The following GARIN2 variants were observed in gnomAD, a reference collection of about 807,000 sequenced individuals.
GARIN2 encodes the protein Golgi-associated RAB2 interactor protein 2.
the GARIN2 span, chr14:67,201,441 T>A: frequency 2.2e-6 from 1 of 455,922 alleles, no homozygotes; most frequent in Non-Finnish European, 4.4e-6. Context: ...CCAGCTCCCC[T>A]CAGGGCCTCA....
the GARIN2 span, among the ~76,000 whole-genome samples, chr14:67,191,053 G>A: frequency 1.3e-5 from 2 of 152,134 alleles, no homozygotes; most frequent in Non-Finnish European, 2.9e-5. Context: ...GGCCAACATG[G>A]CAAAACTTTG....
the GARIN2 span, chr14:67,208,503 A>G: frequency 1.3e-6 from 2 of 1,564,862 alleles, no homozygotes; most frequent in African/African-American, 2.7e-5. Flanking sequence ...ATATTAATAA[A>G]GAAATATGTG....
At chr14:67,200,428 C>T in the GARIN2 span, 3 of 512,926 alleles carry the variant, frequency 5.8e-6, no homozygotes, top group Non-Finnish European at 1.0e-5. Flanking sequence ...GCACTAATCC[C>T]TTTCAGCACC....
the GARIN2 span, among the ~76,000 whole-genome samples, chr14:67,205,825 G>A: frequency 6.6e-6 from 1 of 152,126 alleles, no homozygotes; most frequent in Non-Finnish European, 1.5e-5. Flanking sequence ...TAATCTAATG[G>A]CAGGATGGAT....
the GARIN2 span, chr14:67,203,383 G>A: frequency 4.9e-5 from 53 of 1,072,204 alleles, no homozygotes; most frequent in South Asian, 9.2e-5. Flanking sequence ...TGACAATTGC[G>A]CCAGTGGAGC....
the GARIN2 span, among the ~76,000 whole-genome samples, chr14:67,214,152 A>G: frequency 4.6e-5 from 7 of 152,230 alleles, no homozygotes; most frequent in Non-Finnish European, 8.8e-5. Flanking sequence ...TTTGCTGTGC[A>G]GAAGCTCTTT....
the GARIN2 span, among the ~76,000 whole-genome samples, chr14:67,209,142 C>T: frequency 6.6e-6 from 1 of 152,146 alleles, no homozygotes; most frequent in African/African-American, 2.4e-5. Context: ...ACGTGATTCA[C>T]TCAAAAATAT....
At chr14:67,195,829 C>T in the GARIN2 span, among the ~76,000 whole-genome samples, 7 of 151,860 alleles carry the variant, frequency 4.6e-5, no homozygotes, top group African/African-American at 9.7e-5. Context: ...CTGCCATCTC[C>T]GCCTCCCGGG....
At chr14:67,199,898 C>CT in the GARIN2 span, 1 of 1,481,478 alleles carries the variant, frequency 6.8e-7, no homozygotes, top group East Asian at 2.3e-5. Flanking sequence ...TCGGCAGGAA[C>CT]CCCAGGGGCA....
the GARIN2 span, among the ~76,000 whole-genome samples, chr14:67,204,136 C>G: frequency 6.6e-6 from 1 of 152,066 alleles, no homozygotes; most frequent in African/African-American, 2.4e-5. Context: ...CTTCAAACTA[C>G]TATAAAATAT....
chr14:67,200,756 T>C, the GARIN2 span, among the ~76,000 whole-genome samples: 1 of 152,226 alleles, frequency 6.6e-6, no homozygotes, highest in Non-Finnish European at 1.5e-5. Flanking sequence ...TCTTTCCTAC[T>C]AATAATGTTT....
the GARIN2 span, chr14:67,227,488 A>G: frequency 1.3e-5 from 2 of 151,734 alleles, no homozygotes; most frequent in African/African-American, 4.8e-5. Context: ...CCAAATCCTT[A>G]TATTTTGAAT....
chr14:67,193,370 TATATATCTAGATATATCTAG>T, the GARIN2 span, among the ~76,000 whole-genome samples: 10 of 139,552 alleles, frequency 7.2e-5, no homozygotes, highest in South Asian at 4.6e-4. Context: ...ATAATCTATC[TATATATCTAGATATATCTAG>T]ATATATCTAG....
the GARIN2 span, chr14:67,199,032 CAAGAAG>C: frequency 1.4e-6 from 1 of 724,700 alleles, no homozygotes; most frequent in Non-Finnish European, 2.5e-6. Flanking sequence ...CTTCAAAAGG[CAAGAAG>C]AGGATGGCAG....
chr14:67,225,139 C>T, the GARIN2 span: 2 of 1,583,936 alleles, frequency 1.3e-6, no homozygotes, highest in Non-Finnish European at 1.7e-6. Flanking sequence ...CATATCAAAT[C>T]TCCTTCTAAT....
the GARIN2 span, among the ~76,000 whole-genome samples, chr14:67,226,142 C>G: frequency 1.3e-5 from 2 of 152,144 alleles, no homozygotes; most frequent in African/African-American, 4.8e-5. Context: ...ACTCTGCCAC[C>G]AAAGCCAGCT....
At chr14:67,198,135 G>GT in the GARIN2 span, 2 of 1,595,364 alleles carry the variant, frequency 1.3e-6, no homozygotes, top group Admixed American at 1.8e-5. Context: ...CATTCCCTCA[G>GT]TTTTTTTATG....
At chr14:67,191,415 AT>A in the GARIN2 span, among the ~76,000 whole-genome samples, 1 of 152,208 alleles carries the variant, frequency 6.6e-6, no homozygotes, top group Non-Finnish European at 1.5e-5. Flanking sequence ...TGTAGAGGAC[AT>A]TTTAGGGGCA....
the GARIN2 span, chr14:67,223,838 A>T: frequency 8.1e-6 from 8 of 985,514 alleles, no homozygotes; most frequent in African/African-American, 1.4e-4. Flanking sequence ...CCCCTTCCAT[A>T]CACTTTTACT....
Sources: allele counts gnomAD v4.1 joint callset (sites outside exome capture counted in the v4.1 genomes callset), GRCh38; gene constraint gnomAD v4.1.1; transcripts MANE v1.5; gene names NCBI Gene and HGNC (gene_info 2026-07-23, HGNC 2026-07-21).